The following SLC35F1 variants were observed in gnomAD, a reference collection of about 807,000 sequenced individuals.
SLC35F1 encodes the protein solute carrier family 35 member F1, also known as chromosome 6 open reading frame 169.
In SLC35F1, 14 loss-of-function variants were observed where a neutral mutation model predicts 48.7. The ratio of observed to expected loss-of-function variants is 0.29; its 90% CI spans 0.19 to 0.45. The LOEUF (loss-of-function observed/expected upper bound fraction) is 0.45, where lower values mean the gene tolerates loss of function less well. Among genes scored for constraint, SLC35F1 ranks in the 20% least tolerant of loss-of-function variants. SLC35F1 has a pLI of 1.00. For synonymous variants in SLC35F1, 190 were observed against 202.2 expected (o/e 0.94, Z 0.51); for missense variants, 404 against 500.0 (o/e 0.81, Z 1.83).
chr6:118,018,407 T>C (rs1384558828), intron 1 of SLC35F1, among the ~76,000 whole-genome samples: 1 of 152,050 alleles, frequency 6.6e-6, no homozygotes, highest in Non-Finnish European at 1.5e-5. Flanking sequence ...GGCATAATAA[T>C]TCCTACCTTA....
At chr6:118,038,655 A>T (rs1772168192) in intron 1 of SLC35F1, among the ~76,000 whole-genome samples, 1 of 151,910 alleles carries the variant, frequency 6.6e-6, no homozygotes. Context: ...AAGATCTTGA[A>T]CTGTTGCCCA....
chr6:118,102,812 T>TAC (rs1773277349), intron 1 of SLC35F1, among the ~76,000 whole-genome samples: 1 of 152,310 alleles, frequency 6.6e-6, no homozygotes, highest in South Asian at 2.1e-4. Context: ...GGCAAGGGTC[T>TAC]CAATCCTGAA....
At chr6:118,070,033 G>T (rs548362150) in intron 1 of SLC35F1, among the ~76,000 whole-genome samples, 1 of 150,840 alleles carries the variant, frequency 6.6e-6, no homozygotes, top group East Asian at 2.0e-4. Flanking sequence ...CTACTCGGGA[G>T]GCTGAGGCAG....
rs1775971548 is a variant in SLC35F1, at chr6:117,923,766, C to CAT, written c.173+15869_173+15870dup. On this transcript the variant is annotated intron_variant, in intron 1 of 7. Coordinates refer to ENST00000360388, the MANE Select transcript of SLC35F1 (RefSeq NM_001029858.4). ...ATATATGTACATATATACATATGCA[C>CAT]ATACATATGTATATATACATATATG... Among the ~76,000 whole-genome samples, 4 of 17,830 alleles carry CAT rather than the reference C, an allele frequency of 2.2e-4. 1 individual carries two copies. Among genetic ancestry groups the CAT allele is most frequent in the African/African-American group, 8.4e-4 (3 of 3,574 alleles). The allele number at this position is 17,830 out of a possible 152,430, so 11.7% of individuals were successfully genotyped here.
intron 6 of SLC35F1, among the ~76,000 whole-genome samples, chr6:118,280,652 CG>C (rs955486684): frequency 6.6e-6 from 1 of 151,912 alleles, no homozygotes; most frequent in Non-Finnish European, 1.5e-5. Context: ...CTGAGGCGGG[CG>C]GATCACTTGA....
intron 3 of SLC35F1, among the ~76,000 whole-genome samples, chr6:118,242,646 AT>A: frequency 6.6e-6 from 1 of 152,326 alleles, no homozygotes; most frequent in South Asian, 2.1e-4. Context: ...AAGCTACGCT[AT>A]TTTTATAACT....
At chr6:118,006,972 CAT>C (rs899307865) in intron 1 of SLC35F1, among the ~76,000 whole-genome samples, 2 of 151,312 alleles carry the variant, frequency 1.3e-5, no homozygotes, top group African/African-American at 4.8e-5. Flanking sequence ...TTTCAGAAAA[CAT>C]GTTATATATT....
intron 2 of SLC35F1, among the ~76,000 whole-genome samples, chr6:118,185,867 C>A (rs528528775): frequency 6.6e-6 from 1 of 152,264 alleles, no homozygotes; most frequent in Admixed American, 6.5e-5. Flanking sequence ...CAGTGTCTGG[C>A]ACATATTAGG....
chr6:118,001,106 G>C (rs1415705638), intron 1 of SLC35F1, among the ~76,000 whole-genome samples: 1 of 152,044 alleles, frequency 6.6e-6, no homozygotes, highest in Non-Finnish European at 1.5e-5. Flanking sequence ...CTATTTTAAA[G>C]TTCATATGGA....
At chr6:118,177,694 A>C (rs1774510475) in intron 2 of SLC35F1, among the ~76,000 whole-genome samples, 1 of 152,124 alleles carries the variant, frequency 6.6e-6, no homozygotes, top group Non-Finnish European at 1.5e-5. Flanking sequence ...GTTTTAAAAA[A>C]ACAGTCAATA....
intron 6 of SLC35F1, among the ~76,000 whole-genome samples, chr6:118,280,761 C>T (rs1775973183): frequency 6.6e-6 from 1 of 151,816 alleles, no homozygotes; most frequent in Non-Finnish European, 1.5e-5. Flanking sequence ...GCCTGTAGTC[C>T]CAGCTACTCA....
chr6:118,304,088 A>G (rs1776284870), intron 7 of SLC35F1, among the ~76,000 whole-genome samples: 1 of 152,242 alleles, frequency 6.6e-6, no homozygotes, highest in East Asian at 1.9e-4. Context: ...CCAAGGAAGT[A>G]AAGTGAATTG....
At chr6:118,227,196 G>A (rs993173556) in intron 2 of SLC35F1, among the ~76,000 whole-genome samples, 1 of 152,270 alleles carries the variant, frequency 6.6e-6, no homozygotes, top group South Asian at 2.1e-4. Flanking sequence ...AAACATGGCA[G>A]CCCTGAGGGA....
At chr6:118,214,287 G>T (rs1775044085) in intron 2 of SLC35F1, among the ~76,000 whole-genome samples, 1 of 152,104 alleles carries the variant, frequency 6.6e-6, no homozygotes, top group Non-Finnish European at 1.5e-5. Flanking sequence ...TCATTGTGGT[G>T]ATATTTTCAA....
intron 2 of SLC35F1, among the ~76,000 whole-genome samples, chr6:118,219,208 G>A (rs1227921675): frequency 6.6e-6 from 1 of 152,164 alleles, no homozygotes; most frequent in Non-Finnish European, 1.5e-5. Context: ...GATAAAAATA[G>A]AGACCTTAAG....
intron 1 of SLC35F1, among the ~76,000 whole-genome samples, chr6:117,997,385 CA>C (rs201419207): frequency 0.15 from 22,899 of 152,016 alleles, 2,183 homozygotes; most frequent in South Asian, 0.32. Flanking sequence ...CCCCATCTAG[CA>C]AGGCAGGCCA....
chr6:118,008,099 G>A (rs747241923), intron 1 of SLC35F1, among the ~76,000 whole-genome samples: 36 of 152,058 alleles, frequency 2.4e-4, no homozygotes, highest in Non-Finnish European at 2.6e-4. Flanking sequence ...CCTCTGGTCA[G>A]CTACAACAGA....
intron 2 of SLC35F1, among the ~76,000 whole-genome samples, chr6:118,155,794 C>A (rs951022024): frequency 1.3e-5 from 2 of 152,064 alleles, no homozygotes; most frequent in Non-Finnish European, 2.9e-5. Context: ...CCATTATATA[C>A]ATTAATAATA....
chr6:117,928,500 GA>G (rs1389278375), intron 1 of SLC35F1, among the ~76,000 whole-genome samples: 2 of 151,638 alleles, frequency 1.3e-5, no homozygotes, highest in Admixed American at 6.6e-5. Flanking sequence ...TTAATGCCTT[GA>G]AAAAAAATGG....
Sources: allele counts gnomAD v4.1 joint callset (sites outside exome capture counted in the v4.1 genomes callset), GRCh38; gene constraint gnomAD v4.1.1; transcripts MANE v1.5; gene names NCBI Gene and HGNC (gene_info 2026-07-23, HGNC 2026-07-21).